The following WDR37 variants were observed in gnomAD, a reference collection of about 807,000 sequenced individuals.
WDR37 encodes WD repeat domain 37.
WDR37 carries 19 observed loss-of-function variants against 62.9 expected under a neutral mutation model. The ratio of observed to expected loss-of-function variants is 0.30; its 90% confidence interval spans 0.21 to 0.44. The LOEUF is 0.44. Among genes scored for constraint, WDR37 ranks in the 20% least tolerant of loss-of-function variants. The pLI is 1.00. For synonymous variants in WDR37, 250 were observed against 260.9 expected (o/e 0.96, Z 0.40); for missense variants, 474 against 657.6 (o/e 0.72, Z 3.05).
intron 1 of WDR37, among the ~76,000 whole-genome samples, chr10:1,058,339 G>C (rs962378307): frequency 1.2e-4 from 18 of 152,312 alleles, no homozygotes; most frequent in Non-Finnish European, 2.5e-4. Context: ...TTTGCAAAGT[G>C]CTGTATACAG....
chr10:1,084,280 GC>G, intron 5 of WDR37, 122 bp from the exon 6 acceptor site: 1 of 1,280,480 alleles, frequency 7.8e-7, no homozygotes, highest in South Asian at 1.4e-5. Flanking sequence ...GTTCCTTGAT[GC>G]TTTAACTGTC....
chr10:1,076,060 G>A lies in WDR37; in HGVS notation c.139-1847G>A, dbSNP rs148636525. 4.6e-5 allele frequency among the ~76,000 whole-genome samples: 7 copies of A among 152,280 alleles called. No individual in the cohort carries two copies. The East Asian group carries it at 9.7e-4, about 21-fold the overall frequency. ...CTCCCAAAGTGCTGGGATTACAGGC[G>A]TGAGCCACTGTGCCTGGCTGGGATG... On this transcript the variant is annotated intron_variant, in intron 2 of 13. Transcript: ENST00000263150.
At chr10:1,085,242 G>T (rs908637457) in intron 6 of WDR37, among the ~76,000 whole-genome samples, 1 of 152,194 alleles carries the variant, frequency 6.6e-6, no homozygotes, top group Non-Finnish European at 1.5e-5. Flanking sequence ...AAAGTGTTGG[G>T]ATTACAGGCG....
chr10:1,080,765 G>A (rs1354342087), intron 5 of WDR37, among the ~76,000 whole-genome samples: 2 of 152,048 alleles, frequency 1.3e-5, no homozygotes, highest in Non-Finnish European at 2.9e-5. Context: ...AATTAGCTGG[G>A]TGTGGTGGCG....
At chr10:1,076,620 A>G (rs1833884609) in intron 2 of WDR37, among the ~76,000 whole-genome samples, 1 of 151,372 alleles carries the variant, frequency 6.6e-6, no homozygotes, top group Non-Finnish European at 1.5e-5. Context: ...CGGAGCTTGC[A>G]GTGAGCCAAG....
rs180869078 is a variant in WDR37, at chr10:1,067,740, G to A, written c.-40-4376G>A. Among the ~76,000 whole-genome samples the A allele has an allele frequency of 2.3e-3, 352 of 152,246 alleles. 3 individuals carry two copies. Among genetic ancestry groups the A allele is most frequent in the Non-Finnish European group, 4.2e-3 (283 of 68,026 alleles). On this transcript the variant is annotated intron_variant, in intron 1 of 13. Coordinates refer to ENST00000263150, the MANE Select transcript of WDR37 (RefSeq NM_014023.4). Reference sequence around the variant, plus strand: ...CCTAACGGAACAGCTAAATAAAAAAGTAGTGACAAAGGGATGCCTGCACTT... The same window carrying A: ...CCTAACGGAACAGCTAAATAAAAAAATAGTGACAAAGGGATGCCTGCACTT...
chr10:1,126,420 G>T (rs369065820), intron 13 of WDR37, among the ~76,000 whole-genome samples: 1 of 148,178 alleles, frequency 6.7e-6, no homozygotes, highest in African/African-American at 2.5e-5. Flanking sequence ...AAAAAAAAAA[G>T]AAACTCCCCG....
chr10:1,107,740 C>T (rs1189427979), intron 11 of WDR37, among the ~76,000 whole-genome samples: 1 of 150,890 alleles, frequency 6.6e-6, no homozygotes, highest in Admixed American at 6.6e-5. Context: ...TGTGTACACA[C>T]CACTGTCTGT....
chr10:1,067,006 G>A (rs1273487254), intron 1 of WDR37, among the ~76,000 whole-genome samples: 1 of 152,176 alleles, frequency 6.6e-6, no homozygotes, highest in Non-Finnish European at 1.5e-5. Context: ...CTCCCACTGG[G>A]TCCCTCCCAC....
intron 10 of WDR37, among the ~76,000 whole-genome samples, chr10:1,104,284 T>C (rs1007300674): frequency 6.6e-6 from 1 of 152,228 alleles, no homozygotes; most frequent in Non-Finnish European, 1.5e-5. Context: ...CTGCTGGTCA[T>C]TGGAGGAGCT....
Position 1,103,919 on chromosome 10 carries a change from C to G in WDR37, c.961+83C>G. 1 of 1,370,144 alleles carries G rather than the reference C, an allele frequency of 7.3e-7. No homozygotes were observed. The highest frequency in any genetic ancestry group is 1.3e-5 in the South Asian group (1 of 77,382). 84.9% of individuals were successfully genotyped at this position (1,370,144 alleles called of 1,614,324 possible). On this transcript the variant is annotated intron_variant, in intron 10 of 13. Coordinates refer to ENST00000263150, the MANE Select transcript of WDR37 (RefSeq NM_014023.4). The surrounding 1 kb of genome is among the most constrained non-coding windows in gnomAD (Gnocchi z 6.3). ...GGGTTATGTCTGACCTTGCCACTTA[C>G]TTCTTGACCAGAATGAGTCTCTGTG...
In WDR37 at chr10:1,129,368, A is replaced by C. The variant is rs370475019; in HGVS notation, c.*24A>C. The C allele has an allele frequency of 3.1e-6, 5 of 1,613,506 alleles. No homozygotes were observed. The highest frequency in any genetic ancestry group is 4.2e-6 in the Non-Finnish European group (5 of 1,179,636). On this transcript the variant is annotated 3_prime_UTR_variant, in exon 14 of 14. Transcript: ENST00000263150. ...AAGGACACCGGCAGCCCTTAGTTTCACTGTTTGCCAGCACAGACCTTTGAT... is the reference window on the plus strand; with the variant it reads ...AAGGACACCGGCAGCCCTTAGTTTCCCTGTTTGCCAGCACAGACCTTTGAT...
In WDR37 at chr10:1,091,834, C is replaced by G. The variant is rs577722500; in HGVS notation, c.605-1618C>G. On this transcript the variant is annotated intron_variant, in intron 7 of 13. Transcript: ENST00000263150. ...CATGTCAAGCTATTCTGTCTACATT[C>G]AAGACAGGAGCAAGGGGGAAGGTGA... is the stretch of plus-strand genomic sequence containing the variant. Among the ~76,000 whole-genome samples, 14 of 152,320 alleles carry G rather than the reference C, an allele frequency of 9.2e-5. No individual in the cohort carries two copies. The East Asian group carries it at 2.5e-3, about 27-fold the overall frequency.
At chr10:1,064,620 G>C (rs1833483169) in intron 1 of WDR37, among the ~76,000 whole-genome samples, 1 of 102,076 alleles carries the variant, frequency 9.8e-6, no homozygotes. Context: ...TTTTGAGATG[G>C]AATCTTGCTC....
chr10:1,120,880 A>G (rs5014940), intron 11 of WDR37, among the ~76,000 whole-genome samples: 148,131 of 152,352 alleles, frequency 0.97, 72,154 homozygotes, highest in East Asian at 1. Context: ...ACAGCTGTTC[A>G]TCCTAATGAG....
chr10:1,089,060 C>T (rs891924433), intron 7 of WDR37, among the ~76,000 whole-genome samples: 1 of 152,154 alleles, frequency 6.6e-6, no homozygotes, highest in Non-Finnish European at 1.5e-5. Flanking sequence ...CTCTCGCTTT[C>T]CCTTGTTCTA....
At chr10:1,075,803 A>G (rs1833862732) in intron 2 of WDR37, among the ~76,000 whole-genome samples, 1 of 139,420 alleles carries the variant, frequency 7.2e-6, no homozygotes, top group South Asian at 2.2e-4. Flanking sequence ...TTTTTTTGAG[A>G]CGGAGTCTCG....
chr10:1,099,621 A>T (rs1271484058), intron 9 of WDR37, among the ~76,000 whole-genome samples: 1 of 152,270 alleles, frequency 6.6e-6, no homozygotes, highest in African/African-American at 2.4e-5. Context: ...ACTATTCATT[A>T]TGTAGCGCAT....
rs1833191089 is a variant in WDR37 at position 1,056,837 on chromosome 10, G to A, written c.-172G>A. The A allele has an allele frequency of 6.6e-6, 1 of 152,324 alleles. No homozygotes were observed. The highest frequency in any genetic ancestry group is 2.4e-5 in the African/African-American group (1 of 41,440). The allele number at this position is 152,324 out of a possible 1,614,324, so 9.4% of individuals were successfully genotyped here. A position where few individuals can be genotyped will look rare whatever the true frequency, so the allele number is the denominator to read the frequency against. ...CATTAGCGCCAGGTTGGGGTTGTGG[G>A]GTCGCGTCAGTGCGGAGACAGCGGT... On this transcript the variant is annotated 5_prime_UTR_variant, in exon 1 of 14. Coordinates refer to ENST00000263150, the MANE Select transcript of WDR37 (RefSeq NM_014023.4).
Sources: gnomAD v4.1 joint callset for allele counts (sites outside exome capture counted in the v4.1 genomes callset) on GRCh38, gnomAD v4.1.1 for gene constraint, Gnocchi (gnomAD v3.1) non-coding constraint, MANE v1.5 for transcripts, NCBI Gene and HGNC (gene_info 2026-07-23, HGNC 2026-07-21) for gene names.